PTP4A1: variants seen among roughly 807,000 people sequenced by gnomAD.
PTP4A1 encodes the protein protein tyrosine phosphatase 4A1, also known as protein tyrosine phosphatase type IVA 1.
Under a neutral mutation model 20.5 loss-of-function variants are expected in PTP4A1, and 9 were observed. The ratio of observed to expected loss-of-function variants is 0.44; its 90% CI spans 0.26 to 0.77. PTP4A1 has a LOEUF of 0.77. Among genes scored for constraint, PTP4A1 ranks in the 30% least tolerant of loss-of-function variants. The pLI is 0.19. For synonymous variants in PTP4A1, 78 were observed against 67.4 expected (o/e 1.16, Z -0.77); for missense variants, 137 against 218.8 (o/e 0.63, Z 2.36).
chr6:63,559,131 G>A (rs1179591172), intron 3 of PTP4A1, among the ~76,000 whole-genome samples: 5 of 152,052 alleles, frequency 3.3e-5, no homozygotes, highest in Admixed American at 1.3e-4. Flanking sequence ...TCCATTAGCG[G>A]GAAATCAACA....
chr6:63,520,025 G>A (rs566070597), upstream of PTP4A1, among the ~76,000 whole-genome samples: 7 of 152,214 alleles, frequency 4.6e-5, no homozygotes, highest in African/African-American at 1.4e-4. Context: ...ATAATTTTTC[G>A]AGGAGCCTCA....
At chr6:63,564,721 G>A (rs909768647) in intron 3 of PTP4A1, among the ~76,000 whole-genome samples, 4 of 152,278 alleles carry the variant, frequency 2.6e-5, no homozygotes, top group African/African-American at 9.6e-5. Context: ...TTCAGACTGT[G>A]GCATAATTCA....
At chr6:63,517,379 T>A (rs1025518450), upstream of PTP4A1, among the ~76,000 whole-genome samples, 43 of 152,276 alleles carry the variant, frequency 2.8e-4, no homozygotes, top group African/African-American at 1.0e-3. Flanking sequence ...GGTAACCACA[T>A]ATTTTCTTAC....
intron 3 of PTP4A1, among the ~76,000 whole-genome samples, chr6:63,563,504 C>T (rs1777054571): frequency 6.6e-6 from 1 of 152,234 alleles, no homozygotes; most frequent in Non-Finnish European, 1.5e-5. Flanking sequence ...CCTGACTTCA[C>T]TGTCTAAAGT....
rs180883883 is a variant in PTP4A1, at chr6:63,574,788, T to C, written c.-445-1648T>C. 1.6e-3 allele frequency among the ~76,000 whole-genome samples: 250 copies of C among 152,360 alleles called. 2 individuals are homozygous for C. In the Middle Eastern group the frequency reaches 0.017, roughly 10 times the overall value. Reference sequence around the variant, plus strand: ...GGAAAGTGTCAGAATACACTTTTTATTCTACGGAGGTTGTATTTAGAATTT... The same window carrying C: ...GGAAAGTGTCAGAATACACTTTTTACTCTACGGAGGTTGTATTTAGAATTT... On this transcript the variant is annotated intron_variant, in intron 1 of 5. Coordinates refer to ENST00000626021, the MANE Select transcript of PTP4A1 (RefSeq NM_003463.5).
upstream of PTP4A1, among the ~76,000 whole-genome samples, chr6:63,569,608 C>T (rs992530096): frequency 3.3e-5 from 5 of 152,238 alleles, no homozygotes; most frequent in Non-Finnish European, 7.3e-5. Flanking sequence ...TTCCCAACTG[C>T]TGGCTTTTAT....
chr6:63,526,046 C>A (rs186076448), intron 1 of PTP4A1, among the ~76,000 whole-genome samples: 1 of 152,212 alleles, frequency 6.6e-6, no homozygotes, highest in African/African-American at 2.4e-5. Context: ...ATTTCTAGGC[C>A]AGGCGCAGTG....
At chr6:63,572,832 C>T (rs1777544677) in intron 1 of PTP4A1, 113 bp downstream of exon 1, 2 of 395,246 alleles carry the variant, frequency 5.1e-6, no homozygotes, top group Admixed American at 4.4e-5. Context: ...CCCCGGGTTG[C>T]GGTTCCGGTG....
chr6:63,536,942 C>T (rs1012673521), intron 2 of PTP4A1, among the ~76,000 whole-genome samples: 4 of 152,016 alleles, frequency 2.6e-5, no homozygotes, highest in African/African-American at 9.7e-5. Context: ...TGAGGATTGA[C>T]ACTTCAACTG....
At position 63,534,533 on chromosome 6, in the gene PTP4A1, T is replaced by A. The variant is rs1215811494; in HGVS notation, c.-640+6449T>A. 2.0e-5 allele frequency among the ~76,000 whole-genome samples: 3 copies of A among 152,174 alleles called. No individual in the cohort carries two copies. In the East Asian group the frequency reaches 5.8e-4, roughly 29 times the overall value. On this transcript the variant is annotated intron_variant, in intron 2 of 3. Coordinates refer to the PTP4A1 transcript ENST00000639568. The stretch of plus-strand genomic sequence containing the variant: ...CAATGCAGTACTTACAAAACATTTA[T>A]GCTGGGTGCAGTGGCTCAAGTCTAT...
chr6:63,576,287 A>G (rs1777862114), intron 1 of PTP4A1, 149 bp from the exon 2 acceptor site: 1 of 383,246 alleles, frequency 2.6e-6, no homozygotes, highest in Non-Finnish European at 4.6e-6. Context: ...TCACCCCTTG[A>G]GTTTTGCAAT....
chr6:63,546,641 G>A (rs1776192307), intron 2 of PTP4A1, among the ~76,000 whole-genome samples: 1 of 152,132 alleles, frequency 6.6e-6, no homozygotes. Context: ...GGGAGGCAGA[G>A]GTTGCAGTGA....
At chr6:63,525,296 G>A (rs934712748) in intron 1 of PTP4A1, among the ~76,000 whole-genome samples, 15 of 152,274 alleles carry the variant, frequency 9.9e-5, no homozygotes, top group South Asian at 2.1e-4. Flanking sequence ...TGCTGAAGCC[G>A]GTTGTGGGTA....
At position 63,572,538 on chromosome 6, in the gene PTP4A1, C is replaced by G. The variant is rs1303703529; in HGVS notation, c.-627C>G. On this transcript the variant is annotated 5_prime_UTR_variant, in exon 1 of 6. Coordinates refer to ENST00000626021, the MANE Select transcript of PTP4A1 (RefSeq NM_003463.5). Reference sequence around the variant, plus strand: ...GGCCGGCTCGGCTACGCGCTCTGCTCCGAGCCGCTCACTGCATGGTAGAGT... The same window carrying G: ...GGCCGGCTCGGCTACGCGCTCTGCTGCGAGCCGCTCACTGCATGGTAGAGT... 1 of 396,364 alleles carries G rather than the reference C, an allele frequency of 2.5e-6. No individual in the cohort carries two copies. Among genetic ancestry groups the G allele is most frequent in the African/African-American group, 2.1e-5 (1 of 48,338 alleles). 24.6% of individuals were successfully genotyped at this position (396,364 alleles called of 1,614,324 possible). A position where few individuals can be genotyped will look rare whatever the true frequency, so the allele number is the denominator to read the frequency against.
rs944655639 is a variant in PTP4A1, at chr6:63,583,212, A to C, written c.*3038A>C. On this transcript the variant is annotated 3_prime_UTR_variant, in exon 6 of 6. Transcript: ENST00000626021. ...TAAGTGAATGATATTTTTCTTTTAC[A>C]TGTAAACAATGAAGTTATTTCAAAG... 6.6e-5 allele frequency: 10 copies of C among 152,206 alleles called. No individual in the cohort carries two copies. The highest frequency in any genetic ancestry group is 2.4e-4 in the African/African-American group (10 of 41,454). 9.4% of individuals were successfully genotyped at this position (152,206 alleles called of 1,614,324 possible). A position where few individuals can be genotyped will look rare whatever the true frequency, so the allele number is the denominator to read the frequency against.
intron 2 of PTP4A1, among the ~76,000 whole-genome samples, chr6:63,536,267 T>C (rs1233473003): frequency 6.6e-6 from 1 of 152,172 alleles, no homozygotes; most frequent in Non-Finnish European, 1.5e-5. Flanking sequence ...GAGGCGTAGG[T>C]TGCAGTGAGC....
intron 2 of PTP4A1, among the ~76,000 whole-genome samples, chr6:63,536,797 T>A (rs1775748174): frequency 6.6e-6 from 1 of 152,158 alleles, no homozygotes; most frequent in South Asian, 2.1e-4. Flanking sequence ...TTTATGTAAA[T>A]AATGATAAAT....
At chr6:63,523,932 C>T (rs1248548517) in intron 1 of PTP4A1, among the ~76,000 whole-genome samples, 2 of 151,838 alleles carry the variant, frequency 1.3e-5, no homozygotes, top group African/African-American at 4.8e-5. Flanking sequence ...TAAGGTATGA[C>T]TATATAAACA....
At chr6:63,548,949 T>TC (rs1365191854) in intron 2 of PTP4A1, 9 of 838,684 alleles carry the variant, frequency 1.1e-5, no homozygotes, top group East Asian at 2.4e-5. Flanking sequence ...CAGTCTTGCC[T>TC]CCCCCTTGAT....
Sources: allele counts gnomAD v4.1 joint callset (sites outside exome capture counted in the v4.1 genomes callset), GRCh38; gene constraint gnomAD v4.1.1; transcripts MANE v1.5; gene names NCBI Gene and HGNC (gene_info 2026-07-23, HGNC 2026-07-21).